ADGRL2: variants seen among roughly 807,000 people sequenced by gnomAD.
ADGRL2 encodes adhesion G protein-coupled receptor L2.
A neutral mutation model predicts 157.4 loss-of-function variants in ADGRL2; 44 were observed. That is an observed-to-expected ratio of 0.28 (90% confidence interval 0.22 to 0.36). The LOEUF (loss-of-function observed/expected upper bound fraction) is 0.36, where lower values mean the gene tolerates loss of function less well. ADGRL2 is among the 10% of genes least tolerant of loss of function. The pLI, the probability that ADGRL2 is intolerant of heterozygous loss-of-function variation, is 1.00. For synonymous variants in ADGRL2, 585 were observed against 624.7 expected (o/e 0.94, Z 0.95); for missense variants, 1,510 against 1,768.9 (o/e 0.85, Z 2.63).
At chr1:81,366,983 A>T (rs1009033310) in intron 1 of ADGRL2, among the ~76,000 whole-genome samples, 1 of 152,190 alleles carries the variant, frequency 6.6e-6, no homozygotes, top group Non-Finnish European at 1.5e-5. Flanking sequence ...TGAATCCTTA[A>T]CAATTTATGA....
At chr1:81,534,308 C>T (rs1042461095) in intron 2 of ADGRL2, among the ~76,000 whole-genome samples, 8 of 152,050 alleles carry the variant, frequency 5.3e-5, no homozygotes, top group Admixed American at 3.9e-4. Flanking sequence ...ATTACAGGCA[C>T]GAGGCACCTT....
rs769814729 is a variant in ADGRL2 at position 81,907,245 on chromosome 1, G to A, written c.287+15G>A. 6.3e-7 allele frequency: 1 copy of A among 1,596,282 alleles called. No individual in the cohort carries two copies. The highest frequency in any genetic ancestry group is 8.6e-7 in the Non-Finnish European group (1 of 1,163,788). The stretch of plus-strand genomic sequence containing the variant: ...ATGACTCAAAGGTAAATATTCATGT[G>A]TTAATGTCCCATTTGAGCTATTGTA... On this transcript the variant is annotated intron_variant, in intron 3 of 23. Coordinates refer to ENST00000686636, the MANE Select transcript of ADGRL2 (RefSeq NM_001366006.2).
intron 1 of ADGRL2, among the ~76,000 whole-genome samples, chr1:81,433,484 T>A (rs1441067696): frequency 2.0e-5 from 3 of 152,132 alleles, no homozygotes; most frequent in African/African-American, 7.2e-5. Context: ...AAATGTGAAC[T>A]AGTCAGCAAC....
intron 2 of ADGRL2, among the ~76,000 whole-genome samples, chr1:81,856,954 G>T (rs1305262155): frequency 2.0e-5 from 3 of 152,062 alleles, no homozygotes. Context: ...TAGATACATA[G>T]AAATAACTAG....
chr1:81,685,292 G>C (rs1179296311), intron 3 of ADGRL2, among the ~76,000 whole-genome samples: 1 of 151,926 alleles, frequency 6.6e-6, no homozygotes, highest in Admixed American at 6.6e-5. Context: ...CCATTAGTTT[G>C]TGTCATCTAT....
intron 2 of ADGRL2, among the ~76,000 whole-genome samples, chr1:81,543,964 C>T (rs2079952365): frequency 6.6e-6 from 1 of 152,134 alleles, no homozygotes; most frequent in Non-Finnish European, 1.5e-5. Context: ...AGAGCCTTCT[C>T]TAGATAGCCG....
intron 1 of ADGRL2, among the ~76,000 whole-genome samples, chr1:81,383,401 G>A (rs902516443): frequency 2.0e-5 from 3 of 152,042 alleles, no homozygotes; most frequent in Admixed American, 2.0e-4. Context: ...AGGGAGGAAC[G>A]GAATGAGGAA....
chr1:81,903,412 G>T (rs372429380), intron 2 of ADGRL2, among the ~76,000 whole-genome samples: 1 of 152,038 alleles, frequency 6.6e-6, no homozygotes, highest in East Asian at 1.9e-4. Flanking sequence ...CAGCAAAATG[G>T]CTTGAGTAGT....
rs1308507810 is a variant in ADGRL2, at chr1:81,391,413, G to A, written c.-301-53623G>A. On this transcript the variant is annotated intron_variant, in intron 1 of 24. Coordinates refer to the ADGRL2 transcript ENST00000370721. ...TAGAGCTGCTGCTCTCTCTACCAAT[G>A]TATGCAGTGCTTCTCTAGGCATTTG... Among the ~76,000 whole-genome samples the A allele has an allele frequency of 5.9e-5, 9 of 152,412 alleles. No homozygotes were observed. The South Asian group carries it at 6.2e-4, about 11-fold the overall frequency.
At chr1:81,823,951 T>G in intron 1 of ADGRL2, among the ~76,000 whole-genome samples, 1 of 152,174 alleles carries the variant, frequency 6.6e-6, no homozygotes, top group East Asian at 1.9e-4. Flanking sequence ...TTTCAAAAAT[T>G]TAAATATTTT....
intron 2 of ADGRL2, among the ~76,000 whole-genome samples, chr1:81,839,630 G>A (rs752189142): frequency 6.6e-6 from 1 of 151,692 alleles, no homozygotes; most frequent in Non-Finnish European, 1.5e-5. Flanking sequence ...AACATGGGAT[G>A]TTTGGTTTTC....
At chr1:81,842,247 T>G (rs1212674259) in intron 2 of ADGRL2, among the ~76,000 whole-genome samples, 2 of 152,140 alleles carry the variant, frequency 1.3e-5, no homozygotes, top group Admixed American at 6.6e-5. Context: ...CAGTTGTTTC[T>G]TGGGAGTTAG....
At chr1:81,526,381 C>G (rs1378070050) in intron 2 of ADGRL2, among the ~76,000 whole-genome samples, 1 of 152,132 alleles carries the variant, frequency 6.6e-6, no homozygotes, top group East Asian at 1.9e-4. Context: ...TTATTACCCT[C>G]CTTTCACTTG....
chr1:81,447,601 A>G (rs1479478352), intron 2 of ADGRL2, among the ~76,000 whole-genome samples: 2 of 152,182 alleles, frequency 1.3e-5, no homozygotes, highest in Non-Finnish European at 2.9e-5. Flanking sequence ...AGTAATTAGC[A>G]TCTCTCTAAA....
At chr1:81,316,253 G>A (rs1296867468) in intron 1 of ADGRL2, among the ~76,000 whole-genome samples, 3 of 152,116 alleles carry the variant, frequency 2.0e-5, no homozygotes, top group African/African-American at 7.2e-5. Context: ...AATGGTTTAA[G>A]CAGATTATAA....
intron 2 of ADGRL2, among the ~76,000 whole-genome samples, chr1:81,492,451 A>G (rs1213956437): frequency 6.6e-6 from 1 of 152,222 alleles, no homozygotes; most frequent in African/African-American, 2.4e-5. Flanking sequence ...TATTCTGATA[A>G]TGACAGTCTA....
chr1:81,643,830 A>G (rs2082266400), intron 3 of ADGRL2, among the ~76,000 whole-genome samples: 1 of 152,218 alleles, frequency 6.6e-6, no homozygotes, highest in African/African-American at 2.4e-5. Flanking sequence ...CTTCCCAACT[A>G]AATCTATAGA....
chr1:81,489,984 A>G lies in ADGRL2; in HGVS notation c.-248+44895A>G, dbSNP rs935627367. On this transcript the variant is annotated intron_variant, in intron 2 of 24. Transcript: ENST00000370721. ...TAAGAGAGTCTTCCAGGGTGAAATG[A>G]GAGACTATATAGTAACTGAAAGCCA... Among the ~76,000 whole-genome samples, 16 of 151,004 alleles carry G rather than the reference A, an allele frequency of 1.1e-4. No individual in the cohort carries two copies. The East Asian group carries it at 3.1e-3, about 29-fold the overall frequency.
At chr1:81,433,413 G>A (rs943262253) in intron 1 of ADGRL2, among the ~76,000 whole-genome samples, 1 of 152,114 alleles carries the variant, frequency 6.6e-6, no homozygotes, top group Non-Finnish European at 1.5e-5. Flanking sequence ...TTGAGAAAGC[G>A]ATTATATTCC....
Sources: allele counts gnomAD v4.1 joint callset (sites outside exome capture counted in the v4.1 genomes callset), GRCh38; gene constraint gnomAD v4.1.1; transcripts MANE v1.5; gene names NCBI Gene and HGNC (gene_info 2026-07-23, HGNC 2026-07-21).